PRTG: variants seen among roughly 807,000 people sequenced by gnomAD.
PRTG encodes immunoglobulin superfamily, DCC subclass, member 5.
Under a neutral mutation model 122.5 loss-of-function variants are expected in PRTG, and 67 were observed. The observed-to-expected ratio is 0.55, with a 90% CI of 0.45 to 0.67. The LOEUF is 0.67. PRTG is among the 30% of genes least tolerant of loss of function. PRTG has a pLI of 0.00. For missense variants in PRTG, 1,435 were observed against 1,415.4 expected, an observed-to-expected ratio of 1.01 and a Z score of -0.22; for synonymous variants, 554 against 501.1, an observed-to-expected ratio of 1.11 and a Z score of -1.41.
intron 3 of PRTG, among the ~76,000 whole-genome samples, chr15:55,682,716 C>T (rs1319820714): frequency 6.6e-6 from 1 of 152,012 alleles, no homozygotes; most frequent in African/African-American, 2.4e-5. Context: ...AGGTGCGCCA[C>T]CATGCCCAGC....
chr15:55,729,176 T>C (rs2031144194), intron 2 of PRTG, among the ~76,000 whole-genome samples: 1 of 152,154 alleles, frequency 6.6e-6, no homozygotes, highest in African/African-American at 2.4e-5. Flanking sequence ...CACAATGTAA[T>C]CTTATTTGGC....
At chr15:55,735,735 A>AG in intron 2 of PRTG, among the ~76,000 whole-genome samples, 1 of 151,820 alleles carries the variant, frequency 6.6e-6, no homozygotes, top group Non-Finnish European at 1.5e-5. Context: ...AAAAAAAAAA[A>AG]AAAAATTCCA....
chr15:55,741,409 G>T (rs1166935859), intron 1 of PRTG, among the ~76,000 whole-genome samples: 1 of 152,188 alleles, frequency 6.6e-6, no homozygotes, highest in Non-Finnish European at 1.5e-5. Context: ...GAAAAAATGC[G>T]TGACTAATTG....
At chr15:55,640,673 A>G (rs2059284448) in intron 12 of PRTG, among the ~76,000 whole-genome samples, 1 of 152,202 alleles carries the variant, frequency 6.6e-6, no homozygotes, top group African/African-American at 2.4e-5. Context: ...AGGACTTATA[A>G]TTCAATATAT....
intron 15 of PRTG, among the ~76,000 whole-genome samples, chr15:55,633,561 T>A (rs1349257238): frequency 6.6e-6 from 1 of 152,178 alleles, no homozygotes; most frequent in Non-Finnish European, 1.5e-5. Context: ...AATATATATG[T>A]AAATATGTAT....
chr15:55,671,810 A>T (rs1254105742), intron 11 of PRTG, among the ~76,000 whole-genome samples: 13 of 152,206 alleles, frequency 8.5e-5, no homozygotes, highest in Non-Finnish European at 7.4e-5. Flanking sequence ...CCATGTATTC[A>T]TTTTGGATAT....
intron 11 of PRTG, among the ~76,000 whole-genome samples, chr15:55,654,601 G>C (rs1160928956): frequency 6.6e-6 from 1 of 152,188 alleles, no homozygotes; most frequent in East Asian, 1.9e-4. Context: ...ATCCGAAGTA[G>C]AACACTTGAC....
intron 2 of PRTG, among the ~76,000 whole-genome samples, chr15:55,724,747 GAC>G (rs1211738229): frequency 6.6e-6 from 1 of 151,694 alleles, no homozygotes; most frequent in Non-Finnish European, 1.5e-5. Flanking sequence ...AACAGAGCAA[GAC>G]ACAGTCTCAA....
At chr15:55,740,289 T>C in intron 2 of PRTG, 93 bp downstream of exon 2, 4 of 1,196,338 alleles carry the variant, frequency 3.3e-6, no homozygotes, top group South Asian at 3.1e-5. Context: ...TCTTAATGCA[T>C]GCATGATTCG....
intron 13 of PRTG, among the ~76,000 whole-genome samples, chr15:55,639,175 A>ATGTT (rs573521696): frequency 1.6e-3 from 237 of 152,280 alleles, no homozygotes; most frequent in African/African-American, 5.4e-3. Flanking sequence ...GGATCTGGCT[A>ATGTT]TGTTGCCCAG....
chr15:55,697,491 G>A (rs1247389219), intron 2 of PRTG, among the ~76,000 whole-genome samples: 2 of 152,066 alleles, frequency 1.3e-5, no homozygotes, highest in African/African-American at 2.4e-5. Context: ...CTACCGTACA[G>A]CCCTAAGCAA....
Position 55,683,806 on chromosome 15 carries a change from G to C in PRTG, c.523C>G (p.Leu175Val). The C allele has an allele frequency of 2.5e-6, 4 of 1,613,822 alleles. No homozygotes were observed. The highest frequency in any genetic ancestry group is 1.1e-5 in the South Asian group (1 of 91,030). Residue 175 changes from leucine (L) to valine (V), a missense_variant, in exon 3 of 20, where the codon CTA (leucine) becomes GTA (valine). Physicochemically the swap from Leu to Val is conservative, Grantham distance 32. Transcript: ENST00000389286. ...VITWEFNRTT[L>V]PMTMDRITAL... ...ATCTACCTGTCCATAGTCATAGGTA[G>C]AGTTGTCCGATTGAACTCCCATGTT...
intron 6 of PRTG, 119 bp downstream of exon 6, chr15:55,679,935 T>C (rs1182278862): frequency 1.3e-6 from 1 of 746,688 alleles, no homozygotes; most frequent in Non-Finnish European, 2.2e-6. Context: ...ATTCATCATT[T>C]GATTACAATA....
chr15:55,638,628 G>C lies in PRTG; in HGVS notation c.2373C>G (p.Tyr791Ter). Reference protein sequence around the residue: ...LVQGLEPNTKYEFAVRLHVDQ... With the variant: ...LVQGLEPNTK The stretch of plus-strand genomic sequence containing the variant: ...CCACATGTAATCGAACGGCAAATTC[G>C]TATTTGGTGTTTGGTTCTAGACCTT... The change falls in exon 14 of 20, where the codon TAC becomes TAG. Residue 791 changes from tyrosine (Y) to a stop codon, truncating the protein, a stop_gained. Transcript: ENST00000389286. LOFTEE classifies it high-confidence loss of function. 1 of 1,613,252 alleles carries C rather than the reference G, an allele frequency of 6.2e-7. No homozygotes were observed. Among genetic ancestry groups the C allele is most frequent in the Non-Finnish European group, 8.5e-7 (1 of 1,179,396 alleles).
chr15:55,654,420 C>T (rs7171834), intron 11 of PRTG, among the ~76,000 whole-genome samples: 104,154 of 152,044 alleles, frequency 0.69, 36,066 homozygotes, highest in Middle Eastern at 0.77. Context: ...ATTATAAGTA[C>T]GAAATTTATA....
intron 2 of PRTG, 146 bp from the exon 3 acceptor site, chr15:55,684,077 G>A (rs1320992031): frequency 1.7e-6 from 1 of 579,428 alleles, no homozygotes; most frequent in Non-Finnish European, 2.8e-6. Flanking sequence ...ATAATTTAGT[G>A]AATAATTTTG....
intron 15 of PRTG, among the ~76,000 whole-genome samples, chr15:55,636,023 T>G (rs2059255968): frequency 6.6e-6 from 1 of 152,006 alleles, no homozygotes; most frequent in Admixed American, 6.6e-5. Flanking sequence ...AAATGTGACT[T>G]GTCCAACTTA....
intron 2 of PRTG, among the ~76,000 whole-genome samples, chr15:55,695,218 G>T (rs1474237622): frequency 2.0e-5 from 3 of 152,106 alleles, no homozygotes; most frequent in African/African-American, 7.2e-5. Flanking sequence ...CACTGGAAAT[G>T]TATGACTACT....
intron 17 of PRTG, among the ~76,000 whole-genome samples, chr15:55,624,957 C>T (rs1033248853): frequency 6.6e-6 from 1 of 152,144 alleles, no homozygotes; most frequent in Admixed American, 6.5e-5. Context: ...GAAACTTGGA[C>T]AATAAAACTA....
Sources: gnomAD v4.1 joint callset for allele counts (sites outside exome capture counted in the v4.1 genomes callset) on GRCh38, gnomAD v4.1.1 for gene constraint, MANE v1.5 for transcripts, NCBI Gene and HGNC (gene_info 2026-07-23, HGNC 2026-07-21) for gene names.